The following NALF1 variants were observed in gnomAD, a reference collection of about 807,000 sequenced individuals.
NALF1 encodes the protein family with sequence similarity 155 member A.
Under a neutral mutation model 48.4 loss-of-function variants are expected in NALF1, and 3 were observed. The ratio of observed to expected loss-of-function variants is 0.06; its 90% CI spans 0.03 to 0.16. The LOEUF (loss-of-function observed/expected upper bound fraction) is 0.16. Ranked by LOEUF, NALF1 falls within the 10% of genes least tolerant of loss-of-function variation. The pLI, the probability that NALF1 is intolerant of heterozygous loss-of-function variation, is 1.00. For synonymous variants in NALF1, 262 were observed against 245.7 expected (o/e 1.07, Z -0.62); for missense variants, 526 against 571.5 (o/e 0.92, Z 0.81).
At chr13:107,852,827 C>A (rs974287086) in intron 1 of NALF1, among the ~76,000 whole-genome samples, 2 of 152,112 alleles carry the variant, frequency 1.3e-5, no homozygotes, top group Admixed American at 1.3e-4. Context: ...CAGGGCCATA[C>A]AAAATAACCC....
intron 1 of NALF1, among the ~76,000 whole-genome samples, chr13:107,676,602 AT>A (rs11313745): frequency 0.029 from 3,021 of 104,282 alleles, 202 homozygotes; most frequent in East Asian, 0.24. Flanking sequence ...AATTAATTTA[AT>A]TTAATTAATT....
chr13:107,483,161 G>T (rs557331491), intron 1 of NALF1, among the ~76,000 whole-genome samples: 3 of 152,268 alleles, frequency 2.0e-5, no homozygotes, highest in South Asian at 4.1e-4. Flanking sequence ...CACATAGGAA[G>T]AAATCACTAT....
intron 1 of NALF1, among the ~76,000 whole-genome samples, chr13:107,564,256 T>C (rs886673628): frequency 2.6e-5 from 4 of 152,210 alleles, no homozygotes; most frequent in African/African-American, 9.6e-5. Context: ...TATAATCCAA[T>C]GATTCTAACT....
intron 1 of NALF1, among the ~76,000 whole-genome samples, chr13:107,330,803 A>T (rs897892601): frequency 2.0e-5 from 3 of 152,242 alleles, no homozygotes; most frequent in African/African-American, 7.2e-5. Context: ...CATGAGGAAC[A>T]CCATAGAATG....
chr13:107,693,682 T>G (rs1000733495), intron 1 of NALF1, among the ~76,000 whole-genome samples: 2 of 152,086 alleles, frequency 1.3e-5, no homozygotes, highest in Non-Finnish European at 2.9e-5. Flanking sequence ...TATTTAGTAC[T>G]TTCTACTATA....
At chr13:107,848,053 A>T (rs1594312112) in intron 1 of NALF1, among the ~76,000 whole-genome samples, 1 of 151,694 alleles carries the variant, frequency 6.6e-6, no homozygotes, top group Non-Finnish European at 1.5e-5. Flanking sequence ...AGTGTACTCA[A>T]TCAGTCAGAA....
chr13:107,544,996 AAC>A (rs1230394908), intron 1 of NALF1, among the ~76,000 whole-genome samples: 1 of 152,108 alleles, frequency 6.6e-6, no homozygotes, highest in Admixed American at 6.5e-5. Context: ...TTCTCTAAGG[AAC>A]ACACACAGTT....
chr13:107,202,465 A>G (rs1316553743), intron 2 of NALF1, among the ~76,000 whole-genome samples: 2 of 151,532 alleles, frequency 1.3e-5, no homozygotes, highest in African/African-American at 4.8e-5. Flanking sequence ...TAATATTCAC[A>G]CAGACATTTT....
At chr13:107,407,047 G>A (rs1417238792) in intron 1 of NALF1, among the ~76,000 whole-genome samples, 1 of 151,958 alleles carries the variant, frequency 6.6e-6, no homozygotes, top group African/African-American at 2.4e-5. Flanking sequence ...ATGGCCCTAG[G>A]AAAACTGGAT....
At chr13:107,782,365 C>G (rs917982087) in intron 1 of NALF1, among the ~76,000 whole-genome samples, 1 of 152,194 alleles carries the variant, frequency 6.6e-6, no homozygotes, top group African/African-American at 2.4e-5. Flanking sequence ...CTCAATGGTG[C>G]CCAGGCTGGA....
At chr13:107,389,273 T>C (rs9559033) in intron 1 of NALF1, among the ~76,000 whole-genome samples, 23,349 of 152,234 alleles carry the variant, frequency 0.15, 2,282 homozygotes, top group East Asian at 0.22. Flanking sequence ...CAAAAAGATA[T>C]GTTCGGGTCC....
At chr13:107,626,300 C>T (rs757350570) in intron 1 of NALF1, among the ~76,000 whole-genome samples, 5 of 152,010 alleles carry the variant, frequency 3.3e-5, no homozygotes, top group Non-Finnish European at 7.4e-5. Context: ...GGGAAACCCT[C>T]ATACACAGTT....
intron 1 of NALF1, among the ~76,000 whole-genome samples, chr13:107,474,313 T>C (rs1167776989): frequency 6.6e-6 from 1 of 152,166 alleles, no homozygotes; most frequent in African/African-American, 2.4e-5. Flanking sequence ...AAACACAAGA[T>C]AGAACTATAT....
At chr13:107,171,015 A>T (rs1208028697) in intron 2 of NALF1, among the ~76,000 whole-genome samples, 2 of 152,222 alleles carry the variant, frequency 1.3e-5, no homozygotes, top group African/African-American at 4.8e-5. Flanking sequence ...TCATACCATG[A>T]AAGTTCTGGG....
intron 1 of NALF1, among the ~76,000 whole-genome samples, chr13:107,292,992 C>CTTTTTTTTTT (rs55786928): frequency 2.7e-5 from 3 of 110,630 alleles, no homozygotes; most frequent in Admixed American, 1.0e-4. Flanking sequence ...TTTTCTTTTT[C>CTTTTTTTTTT]TTTTTTTTTT....
intron 1 of NALF1, among the ~76,000 whole-genome samples, chr13:107,270,042 TTA>T (rs1881128407): frequency 1.3e-5 from 2 of 150,788 alleles, no homozygotes; most frequent in Non-Finnish European, 2.9e-5. Context: ...AGTGCTGGGA[TTA>T]CAGGCGTGAG....
At chr13:107,521,111 C>G (rs1204134871) in intron 1 of NALF1, among the ~76,000 whole-genome samples, 4 of 152,032 alleles carry the variant, frequency 2.6e-5, no homozygotes, top group African/African-American at 9.7e-5. Context: ...CTAGAAGGCC[C>G]CAAACTCACT....
chr13:107,318,715 A>C (rs1159083982), intron 1 of NALF1, among the ~76,000 whole-genome samples: 1 of 152,022 alleles, frequency 6.6e-6, no homozygotes, highest in Admixed American at 6.6e-5. Context: ...TTTTCCTACA[A>C]ATGTTCTTGT....
chr13:107,307,613 A>G (rs1881961909), intron 1 of NALF1, among the ~76,000 whole-genome samples: 1 of 143,818 alleles, frequency 7.0e-6, no homozygotes, highest in Non-Finnish European at 1.5e-5. Flanking sequence ...GTTCCTGAGT[A>G]GCTGGATGAT....
Sources: gnomAD v4.1 joint callset for allele counts (sites outside exome capture counted in the v4.1 genomes callset) on GRCh38, gnomAD v4.1.1 for gene constraint, MANE v1.5 for transcripts, NCBI Gene and HGNC (gene_info 2026-07-23, HGNC 2026-07-21) for gene names.